Variants in UNC13C observed in about 807,000 individuals in gnomAD.
The protein encoded by UNC13C is protein unc-13 homolog C.
In UNC13C, 174 loss-of-function variants were observed where a neutral mutation model predicts 245.4. That is an observed-to-expected ratio of 0.71 (90% CI 0.63 to 0.80). The LOEUF is 0.80. Ranked by LOEUF, UNC13C falls within the 30% of genes least tolerant of loss-of-function variation. The probability of loss-of-function intolerance (pLI) is 0.00; values close to 1 mark genes in which losing one functional copy is unlikely to be tolerated. For missense variants in UNC13C, 2,829 were observed against 2,602.9 expected, an observed-to-expected ratio of 1.09 and a Z score of -1.89; for synonymous variants, 992 against 895.1, an observed-to-expected ratio of 1.11 and a Z score of -1.93.
chr15:54,311,253 G>A (rs1277200961), intron 13 of UNC13C, among the ~76,000 whole-genome samples: 1 of 151,706 alleles, frequency 6.6e-6, no homozygotes, highest in Admixed American at 6.6e-5. Context: ...TTATTTTTAA[G>A]AAGTTAATTT....
chr15:53,862,975 C>G, the UNC13C span, among the ~76,000 whole-genome samples: 1 of 152,148 alleles, frequency 6.6e-6, no homozygotes, highest in Non-Finnish European at 1.5e-5. Context: ...CCAGCATCAA[C>G]TCTAAAGTCC....
intron 14 of UNC13C, among the ~76,000 whole-genome samples, chr15:54,329,510 C>T (rs1285767704): frequency 6.6e-6 from 1 of 151,984 alleles, no homozygotes; most frequent in Non-Finnish European, 1.5e-5. Flanking sequence ...AGATATTGTG[C>T]CATGTCCCTT....
intron 2 of UNC13C, among the ~76,000 whole-genome samples, chr15:54,044,117 C>G (rs1217454123): frequency 6.6e-6 from 1 of 152,200 alleles, no homozygotes; most frequent in Non-Finnish European, 1.5e-5. Context: ...ACTAATCTAC[C>G]TTCTGTCCCT....
At chr15:54,321,861 G>T in intron 13 of UNC13C, 78 bp from the exon 14 acceptor site, 1 of 1,318,124 alleles carries the variant, frequency 7.6e-7, no homozygotes. Context: ...GGAATTAATT[G>T]CTGATGTTAG....
intron 19 of UNC13C, among the ~76,000 whole-genome samples, chr15:54,450,599 C>T (rs1025684983): frequency 1.3e-5 from 2 of 152,224 alleles, no homozygotes; most frequent in African/African-American, 4.8e-5. Context: ...CCTGGCATGC[C>T]GTTTGTTAAG....
At chr15:54,155,060 A>G (rs1442149480) in intron 4 of UNC13C, among the ~76,000 whole-genome samples, 1 of 152,220 alleles carries the variant, frequency 6.6e-6, no homozygotes, top group East Asian at 1.9e-4. Context: ...CTATCCTTAT[A>G]TTCTATCATA....
At chr15:54,614,814 A>ATACTTTTCTAATTTTTC (rs1900323353) in intron 30 of UNC13C, among the ~76,000 whole-genome samples, 1 of 151,980 alleles carries the variant, frequency 6.6e-6, no homozygotes, top group African/African-American at 2.4e-5. Context: ...GGTATAGTTT[A>ATACTTTTCTAATTTTTC]TACTTTTCTA....
At chr15:54,354,692 A>G (rs1046746798) in intron 17 of UNC13C, among the ~76,000 whole-genome samples, 1 of 152,238 alleles carries the variant, frequency 6.6e-6, no homozygotes, top group African/African-American at 2.4e-5. Flanking sequence ...TGTACAAACC[A>G]AAGTAGTACT....
the UNC13C span, among the ~76,000 whole-genome samples, chr15:53,954,248 C>A: frequency 6.6e-6 from 1 of 152,182 alleles, no homozygotes; most frequent in Non-Finnish European, 1.5e-5. Context: ...ATGTGCATAT[C>A]TATAGTGACA....
In UNC13C at chr15:54,497,498, G is replaced by T. The variant is rs28369578; in HGVS notation, c.5061-2581G>T. Among the ~76,000 whole-genome samples, 1,292 of 152,218 alleles carry T rather than the reference G, an allele frequency of 8.5e-3. 22 individuals carry two copies. The highest frequency in any genetic ancestry group is 0.029 in the African/African-American group (1,218 of 41,546). On this transcript the variant is annotated intron_variant, in intron 20 of 32. Transcript: ENST00000260323. ...AACCACAGAGATATGAGTCCAACAT[G>T]CTACAGGCAGTTCCCACTGAAGGCA...
chr15:54,530,768 C>A (rs892464483), intron 25 of UNC13C, among the ~76,000 whole-genome samples: 17 of 152,128 alleles, frequency 1.1e-4, no homozygotes, highest in African/African-American at 3.9e-4. Context: ...ATTCTAAGAA[C>A]ACCAGGAGGT....
intron 1 of UNC13C, among the ~76,000 whole-genome samples, chr15:53,982,957 G>A (rs928612568): frequency 6.6e-6 from 1 of 152,116 alleles, no homozygotes; most frequent in African/African-American, 2.4e-5. Context: ...AATAGCATTT[G>A]TCTACCTGAT....
chr15:53,874,594 C>T, the UNC13C span, among the ~76,000 whole-genome samples: 1 of 152,150 alleles, frequency 6.6e-6, no homozygotes, highest in Non-Finnish European at 1.5e-5. Context: ...ACATCAAGGT[C>T]ACACATTAGA....
chr15:54,042,905 A>G (rs1220144581), intron 2 of UNC13C, among the ~76,000 whole-genome samples: 2 of 152,136 alleles, frequency 1.3e-5, no homozygotes, highest in African/African-American at 2.4e-5. Flanking sequence ...TCTACTGCGC[A>G]TAACATTGAG....
At chr15:54,291,094 T>C (rs1418460691) in intron 10 of UNC13C, among the ~76,000 whole-genome samples, 1 of 152,078 alleles carries the variant, frequency 6.6e-6, no homozygotes, top group Non-Finnish European at 1.5e-5. Flanking sequence ...TTCTTTTTGA[T>C]AGCAAAGAAC....
intron 4 of UNC13C, among the ~76,000 whole-genome samples, chr15:54,189,620 T>C (rs1163988741): frequency 1.3e-5 from 2 of 152,124 alleles, no homozygotes; most frequent in African/African-American, 2.4e-5. Context: ...TTAAGATAAT[T>C]TGATTAAAAA....
chr15:54,630,037 T>G (rs1901421068), downstream of UNC13C: 2 of 152,194 alleles, frequency 1.3e-5, no homozygotes, highest in Middle Eastern at 3.2e-3. Flanking sequence ...CACTCTAAGG[T>G]TCCCAGTGAT....
intron 2 of UNC13C, among the ~76,000 whole-genome samples, chr15:54,087,494 G>A (rs1228326555): frequency 6.6e-6 from 1 of 152,148 alleles, no homozygotes; most frequent in Non-Finnish European, 1.5e-5. Context: ...TCTTTATTAT[G>A]ATGTGATTAT....
intron 19 of UNC13C, among the ~76,000 whole-genome samples, chr15:54,482,588 A>G (rs1346324214): frequency 6.6e-6 from 1 of 152,178 alleles, no homozygotes; most frequent in African/African-American, 2.4e-5. Flanking sequence ...TCCTCGCCTC[A>G]GAAGTTCTCT....
Sources: allele counts gnomAD v4.1 joint callset (sites outside exome capture counted in the v4.1 genomes callset), GRCh38; gene constraint gnomAD v4.1.1; transcripts MANE v1.5; gene names NCBI Gene and HGNC (gene_info 2026-07-23, HGNC 2026-07-21).